The following ZNF483 variants were observed in gnomAD, a reference collection of about 807,000 sequenced individuals.
ZNF483 encodes zinc finger protein 483, also known as zinc finger protein HIT-10.
ZNF483 carries 9 observed loss-of-function variants against 28.6 expected under a neutral mutation model. That is an observed-to-expected ratio of 0.32 (90% confidence interval 0.19 to 0.55). ZNF483 has a LOEUF of 0.55. Among genes scored for constraint, ZNF483 ranks in the 20% least tolerant of loss-of-function variants. ZNF483 has a pLI of 0.93. For synonymous variants in ZNF483, 322 were observed against 306.2 expected (o/e 1.05, Z -0.54); for missense variants, 675 against 871.7 (o/e 0.77, Z 2.84).
chr9:111,527,822 TGGAG>T lies in ZNF483; in HGVS notation c.412+21_412+24del, dbSNP rs755700368. On this transcript the variant is annotated intron_variant, in intron 2 of 5. Coordinates refer to ENST00000309235, the MANE Select transcript of ZNF483 (RefSeq NM_133464.5). The stretch of plus-strand genomic sequence containing the variant: ...TGAAGAAAAAGGTGAGATTTATAGA[TGGAG>T]GGAGGAAGCGGGAGACATTGCCTCA... The T allele has an allele frequency of 4.3e-6, 7 of 1,613,926 alleles. No homozygotes were observed. The South Asian group carries it at 7.7e-5, about 18-fold the overall frequency.
In ZNF483 at chr9:111,544,171, G is replaced by A. The variant is rs761911882; in HGVS notation, c.*1001G>A. On this transcript the variant is annotated 3_prime_UTR_variant, in exon 6 of 6. Transcript: ENST00000309235. Reference sequence around the variant, plus strand: ...AACAGTCCTAGGAAAATAGATGGGGGCTGGGGGTAAGGAAATGTGCTGAAG... The same window carrying A: ...AACAGTCCTAGGAAAATAGATGGGGACTGGGGGTAAGGAAATGTGCTGAAG... 3 of 985,332 alleles carry A rather than the reference G, an allele frequency of 3.0e-6. No individual in the cohort carries two copies. Among genetic ancestry groups the A allele is most frequent in the Non-Finnish European group, 3.6e-6 (3 of 830,002 alleles). The allele number at this position is 985,332 out of a possible 1,614,324, so 61.0% of individuals were successfully genotyped here.
chr9:111,527,116 AAG>A (rs1324390051), intron 1 of ZNF483, among the ~76,000 whole-genome samples, 150 bp from the exon 2 acceptor site: 2 of 152,146 alleles, frequency 1.3e-5, no homozygotes. Context: ...AAAAAAAAGA[AAG>A]AAAGTTATCC....
At chr9:111,536,432 G>C (rs974716259) in intron 5 of ZNF483, among the ~76,000 whole-genome samples, 2 of 152,224 alleles carry the variant, frequency 1.3e-5, no homozygotes, top group South Asian at 4.1e-4. Context: ...GGCTGAGGCA[G>C]GAGAATCGCT....
downstream of ZNF483, among the ~76,000 whole-genome samples, chr9:111,560,252 G>A (rs1016859801): frequency 1.3e-5 from 2 of 151,704 alleles, no homozygotes; most frequent in African/African-American, 2.4e-5. Context: ...AGGCCAAGGC[G>A]GGTGGATCAC....
In ZNF483 at chr9:111,543,055, T is replaced by A; in HGVS notation, c.2120T>A (p.Val707Glu). The change falls in exon 6 of 6, where the codon GTA becomes GAA. Residue 707 changes from valine to glutamate, a missense_variant. By Grantham distance (121) the Val-to-Glu change is moderately radical. Transcript: ENST00000309235. The part of the protein sequence containing the change: ...GATFSRSSIL[V>E]EHLKIHTGRR... ...ACCTTTAGTCGAAGCTCAATCCTTGTAGAACACCTAAAAATTCATACCGGA... is the reference window on the plus strand; with the variant it reads ...ACCTTTAGTCGAAGCTCAATCCTTGAAGAACACCTAAAAATTCATACCGGA... 1 of 1,614,096 alleles carries A rather than the reference T, an allele frequency of 6.2e-7. No individual in the cohort carries two copies. Among genetic ancestry groups the A allele is most frequent in the Non-Finnish European group, 8.5e-7 (1 of 1,179,996 alleles).
chr9:111,564,446 C>T (rs1224292028), intron 5 of ZNF483, among the ~76,000 whole-genome samples: 1 of 151,894 alleles, frequency 6.6e-6, no homozygotes, highest in African/African-American at 2.4e-5. Context: ...GCTGGGACTA[C>T]AGGGATGTGC....
intron 5 of ZNF483, among the ~76,000 whole-genome samples, chr9:111,562,424 T>C (rs191405737): frequency 0.012 from 1,889 of 151,870 alleles, 27 homozygotes; most frequent in Middle Eastern, 0.034. Flanking sequence ...TACAGGCATG[T>C]GCCACCACAC....
downstream of ZNF483, among the ~76,000 whole-genome samples, chr9:111,555,869 C>T (rs1418472278): frequency 8.5e-5 from 13 of 152,164 alleles, no homozygotes; most frequent in Admixed American, 7.2e-4. Context: ...CCTGGTCCCT[C>T]GCAAATCTCA....
downstream of ZNF483, among the ~76,000 whole-genome samples, chr9:111,558,011 G>C (rs909908572): frequency 1.3e-5 from 2 of 152,136 alleles, no homozygotes; most frequent in African/African-American, 2.4e-5. Context: ...GCCAGGCATG[G>C]TGGTGCGCGC....
chr9:111,537,481 G>A (rs1827542355), intron 5 of ZNF483, among the ~76,000 whole-genome samples: 2 of 152,146 alleles, frequency 1.3e-5, no homozygotes, highest in South Asian at 2.1e-4. Flanking sequence ...CTAAAGTGCT[G>A]GGTTTACAGG....
intron 5 of ZNF483, among the ~76,000 whole-genome samples, chr9:111,534,578 T>C (rs948979313): frequency 6.6e-6 from 1 of 151,996 alleles, no homozygotes; most frequent in African/African-American, 2.4e-5. Context: ...TGGAGAAAGA[T>C]TCAGTGAAGG....
intron 5 of ZNF483, among the ~76,000 whole-genome samples, chr9:111,535,418 A>G (rs1321392534): frequency 2.6e-5 from 4 of 152,180 alleles, no homozygotes; most frequent in African/African-American, 9.7e-5. Flanking sequence ...GACAGCATGC[A>G]TAATAATTCC....
chr9:111,570,310 T>C lies in ZNF483; in HGVS notation c.722-6055T>C, dbSNP rs1828755204. 7 of 1,466,186 alleles carry C rather than the reference T, an allele frequency of 4.8e-6. 1 individual carries two copies. Among genetic ancestry groups the C allele is most frequent in the African/African-American group, 1.4e-5 (1 of 70,674 alleles). 90.8% of individuals were successfully genotyped at this position (1,466,186 alleles called of 1,614,324 possible). On this transcript the variant is annotated intron_variant, in intron 5 of 5. Transcript: ENST00000358151. ...GTCACTGTGCTTGGTGCTGGGAGTT[T>C]TTTGGTGCTTCTCCCCTTCCATTTC...
At position 111,542,062 on chromosome 9, in the gene ZNF483, A is replaced by G; in HGVS notation, c.1127A>G (p.Glu376Gly). ...CTGAGTCACTCTTCAGCTCTTACTG[A>G]ACATCAGAAACGTCAGAAGATTCAT... ...KVLSHSSALT[E>G]HQKRQKIHLG... The change falls in exon 6 of 6, where the codon GAA becomes GGA. Residue 376 changes from glutamate (E) to glycine (G), a missense_variant. Glu to Gly is a moderately conservative substitution (Grantham distance 98). Coordinates refer to ENST00000309235, the MANE Select transcript of ZNF483 (RefSeq NM_133464.5). The surrounding 1 kb of genome is among the most constrained non-coding windows in gnomAD (Gnocchi z 6.2). 1 of 1,614,182 alleles carries G rather than the reference A, an allele frequency of 6.2e-7. No homozygotes were observed.
Position 111,547,547 on chromosome 9 carries a change from A to G in ZNF483, c.*4377A>G, listed in dbSNP as rs1827834797. On this transcript the variant is annotated 3_prime_UTR_variant, in exon 6 of 6. Coordinates refer to ENST00000309235, the MANE Select transcript of ZNF483 (RefSeq NM_133464.5). ...CTTAATATATCCAGAATATATAAAGAACTTTTCAGATAAATGATTTGCAAA... is the reference window on the plus strand; with the variant it reads ...CTTAATATATCCAGAATATATAAAGGACTTTTCAGATAAATGATTTGCAAA... Among the ~76,000 whole-genome samples, 1 of 152,170 alleles carries G rather than the reference A, an allele frequency of 6.6e-6. No homozygotes were observed. Among genetic ancestry groups the G allele is most frequent in the Non-Finnish European group, 1.5e-5 (1 of 67,988 alleles).
intron 5 of ZNF483, chr9:111,563,161 A>C: frequency 6.2e-7 from 1 of 1,613,972 alleles, no homozygotes; most frequent in Non-Finnish European, 8.5e-7. Flanking sequence ...ATCTCCTTTC[A>C]GCATTCCCAT....
rs79487372 is a variant in ZNF483 at position 111,540,148 on chromosome 9, A to T, written c.722-1509A>T. ...CCCTATCTCTAAAAAATTTTAAAAA[A>T]TTTTTTAAAAAGAAAAATTAGCAGT... On this transcript the variant is annotated intron_variant, in intron 5 of 5. Transcript: ENST00000309235. Among the ~76,000 whole-genome samples the T allele has an allele frequency of 4.5e-3, 684 of 152,308 alleles. 6 individuals carry two copies. The highest frequency in any genetic ancestry group is 0.015 in the African/African-American group (625 of 41,556).
chr9:111,531,062 CT>C, intron 3 of ZNF483, 99 bp downstream of exon 3: 1 of 410,808 alleles, frequency 2.4e-6, no homozygotes, highest in Admixed American at 3.2e-5. Context: ...GGCACGGTGG[CT>C]TACACCTGTA....
Position 111,552,330 on chromosome 9 carries a change from T to G in ZNF483, c.*9160T>G, listed in dbSNP as rs1827992061. On this transcript the variant is annotated 3_prime_UTR_variant, in exon 6 of 6. Coordinates refer to ENST00000309235, the MANE Select transcript of ZNF483 (RefSeq NM_133464.5). Reference sequence around the variant, plus strand: ...CATAAACTGTCAACATTCTATAGCTTTTGTGCATATGTACTGAAGAATTAT... The same window carrying G: ...CATAAACTGTCAACATTCTATAGCTGTTGTGCATATGTACTGAAGAATTAT... Among the ~76,000 whole-genome samples the G allele has an allele frequency of 6.6e-6, 1 of 152,246 alleles. No individual in the cohort carries two copies. The highest frequency in any genetic ancestry group is 1.5e-5 in the Non-Finnish European group (1 of 68,026).
Sources: allele counts gnomAD v4.1 joint callset (sites outside exome capture counted in the v4.1 genomes callset), GRCh38; gene constraint gnomAD v4.1.1; non-coding constraint Gnocchi (gnomAD v3.1); transcripts MANE v1.5; gene names NCBI Gene and HGNC (gene_info 2026-07-23, HGNC 2026-07-21).